AEBP1: variants seen among roughly 807,000 people sequenced by gnomAD.
AEBP1 encodes adipocyte enhancer-binding protein 1.
AEBP1 carries 69 observed loss-of-function variants against 116.5 expected under a neutral mutation model. The observed-to-expected ratio is 0.59, with a 90% CI of 0.49 to 0.72. The LOEUF (loss-of-function observed/expected upper bound fraction) is 0.72, where lower values mean the gene tolerates loss of function less well. Among genes scored for constraint, AEBP1 ranks in the 30% least tolerant of loss-of-function variants. The pLI is 0.00. For synonymous variants in AEBP1, 627 were observed against 627.3 expected (o/e 1.00, Z 0.01); for missense variants, 1,444 against 1,557.5 (o/e 0.93, Z 1.23).
In AEBP1 at chr7:44,112,908, G is replaced by T. The variant is rs759013562; in HGVS notation, c.2568G>T (p.Gly856=). 1.9e-6 allele frequency: 3 copies of T among 1,610,028 alleles called. No individual in the cohort carries two copies. Among genetic ancestry groups the T allele is most frequent in the Non-Finnish European group, 2.5e-6 (3 of 1,177,704 alleles). The change falls in exon 18 of 21, where the codon GGG becomes GGT. Residue 856 remains glycine (G), a splice_region_variant and synonymous_variant. Transcript: ENST00000223357. This position sits in a 1 kb window ranked among gnomAD's most constrained non-coding sequence, Gnocchi z 6.6. ...VNGAKWNPRT[G]TINDFSYLHT... ...GGGCCAAGTGGAACCCCCGGACCGG[G>T]AGTGAGTCAGCCTGGGAGGGGCTGT...
chr7:44,114,331 A>G lies in AEBP1; in HGVS notation c.*70A>G, dbSNP rs1401718230. On this transcript the variant is annotated 3_prime_UTR_variant, in exon 21 of 21. Coordinates refer to ENST00000223357, the MANE Select transcript of AEBP1 (RefSeq NM_001129.5). ...GCAGCACTTCCCAAGCCTGCTGACC[A>G]CAGTCACATCACCCATCAGCACATG... is the stretch of plus-strand genomic sequence containing the variant. The G allele has an allele frequency of 6.5e-7, 1 of 1,535,178 alleles. No individual in the cohort carries two copies. Among genetic ancestry groups the G allele is most frequent in the African/African-American group, 1.4e-5 (1 of 73,376 alleles).
At chr7:44,109,779 GC>G (rs2128808637) in intron 9 of AEBP1, 1 of 586,912 alleles carries the variant, frequency 1.7e-6, no homozygotes, top group Non-Finnish European at 3.1e-6. Context: ...TCCAGATGGG[GC>G]AGCTGAGGCC....
chr7:44,113,562 T>A lies in AEBP1; in HGVS notation c.2810-32T>A. On this transcript the variant is annotated intron_variant, in intron 20 of 20. Transcript: ENST00000223357. This position sits in a 1 kb window ranked among gnomAD's most constrained non-coding sequence, Gnocchi z 5.3. ...GAGGGTGGGGGCCTGGGAGGGGCGC[T>A]CTGGGGCAGCCGGATCGTTCTCCCT... 6.3e-7 allele frequency: 1 copy of A among 1,579,852 alleles called. No homozygotes were observed. The highest frequency in any genetic ancestry group is 1.2e-5 in the South Asian group (1 of 86,936).
At chr7:44,110,582 C>G (rs994400465) in intron 11 of AEBP1, 143 bp from the exon 12 acceptor site, 4 of 969,776 alleles carry the variant, frequency 4.1e-6, no homozygotes, top group Non-Finnish European at 6.2e-6. Context: ...ATGTGACGGG[C>G]ATAGGACCCA....
At chr7:44,110,609 C>T (rs1225326271) in intron 11 of AEBP1, 116 bp from the exon 12 acceptor site, 20 of 1,066,154 alleles carry the variant, frequency 1.9e-5, no homozygotes, top group African/African-American at 4.8e-5. Context: ...ACACCTGGGC[C>T]GTGCAGCACC....
rs761655656 is a variant in AEBP1 at position 44,109,996 on chromosome 7, C to T, written c.1151-19C>T. 3.7e-6 allele frequency: 6 copies of T among 1,605,296 alleles called. No individual in the cohort carries two copies. The highest frequency in any genetic ancestry group is 5.1e-6 in the Non-Finnish European group (6 of 1,173,928). On this transcript the variant is annotated intron_variant, in intron 9 of 20. Coordinates refer to ENST00000223357, the MANE Select transcript of AEBP1 (RefSeq NM_001129.5). ...AGGATGGAGCTAGTGAGCCACCATT[C>T]TGGGGTACGCGTCCTCAGAGTGTCC...
Position 44,113,335 on chromosome 7 carries a change from T to C in AEBP1, c.2793T>C (p.Asn931=). ...ANATISVSGI[N]HGVKTASGGD... ...CCACCATCTCTGTGAGTGGCATTAA[T>C]CACGGCGTGAAGACAGGTACCTAGT... The change falls in exon 20 of 21, where the codon AAT becomes AAC. Residue 931 remains asparagine, a synonymous_variant. Transcript: ENST00000223357. The surrounding 1 kb of genome is among the most constrained non-coding windows in gnomAD (Gnocchi z 5.3). 6.2e-7 allele frequency: 1 copy of C among 1,612,820 alleles called. No homozygotes were observed. The highest frequency in any genetic ancestry group is 8.5e-7 in the Non-Finnish European group (1 of 1,179,570).
intron 1 of AEBP1, among the ~76,000 whole-genome samples, chr7:44,105,528 T>A (rs964790201): frequency 6.6e-6 from 1 of 152,122 alleles, no homozygotes; most frequent in African/African-American, 2.4e-5. Context: ...CTCTGGAAGG[T>A]GGCAGAGGGT....
intron 2 of AEBP1, 96 bp downstream of exon 2, chr7:44,106,983 T>TAGC: frequency 1.1e-6 from 1 of 936,846 alleles, no homozygotes; most frequent in Non-Finnish European, 1.6e-6. Context: ...CTGCTTCCTA[T>TAGC]AGACCTTCAG....
In AEBP1 at chr7:44,110,234, G is replaced by A; in HGVS notation, c.1288G>A (p.Asp430Asn). 2 of 1,613,786 alleles carry A rather than the reference G, an allele frequency of 1.2e-6. No homozygotes were observed. Among genetic ancestry groups the A allele is most frequent in the Non-Finnish European group, 1.7e-6 (2 of 1,180,022 alleles). The change falls in exon 11 of 21, where the codon GAT (aspartate) becomes AAT (asparagine). Residue 430 changes from aspartate to asparagine, a missense_variant. By Grantham distance (23) the Asp-to-Asn change is conservative (BLOSUM62 1). Coordinates refer to ENST00000223357, the MANE Select transcript of AEBP1 (RefSeq NM_001129.5). ...QTGATEDDYY[D>N]GAWCAEDDAR... ...CGGTGCCACTGAGGACGACTACTATGATGGTGCGTGGTGTGCCGAGGACGA... is the reference window on the plus strand; with the variant it reads ...CGGTGCCACTGAGGACGACTACTATAATGGTGCGTGGTGTGCCGAGGACGA...
In AEBP1 at chr7:44,112,843, C is replaced by T; in HGVS notation, c.2503C>T (p.Gln835Ter). 6.2e-7 allele frequency: 1 copy of T among 1,612,658 alleles called. No individual in the cohort carries two copies. The highest frequency in any genetic ancestry group is 1.1e-5 in the South Asian group (1 of 91,082). The stretch of plus-strand genomic sequence containing the variant: ...GACCGAGCCCTACCGCGGAGGCTGC[C>T]AAGCCCAGGACTACACCGGCGGCAT... ...TLTEPYRGGC[Q>*]AQDYTGGMGI... is the part of the protein sequence containing the mutation. Residue 835 changes from glutamine (Q) to a stop codon, truncating the protein, a stop_gained, in exon 18 of 21, where the codon CAA becomes TAA. Coordinates refer to ENST00000223357, the MANE Select transcript of AEBP1 (RefSeq NM_001129.5). LOFTEE classifies it high-confidence loss of function. This position sits in a 1 kb window ranked among gnomAD's most constrained non-coding sequence, Gnocchi z 6.6.
At position 44,113,011 on chromosome 7, in the gene AEBP1, C is replaced by A. The variant is rs200012664; in HGVS notation, c.2590C>A (p.Leu864Met). 2.7e-5 allele frequency: 44 copies of A among 1,614,110 alleles called. No homozygotes were observed. The highest frequency in any genetic ancestry group is 6.7e-5 in the African/African-American group (5 of 75,036). ...GCCAGCTATCAATGACTTCAGTTAC[C>A]TGCATACCAACTGCCTGGAGCTCTC... Reference protein sequence around the residue: ...RTGTINDFSYLHTNCLELSFY... With the variant: ...RTGTINDFSYMHTNCLELSFY... The change falls in exon 19 of 21, where the codon CTG (leucine) becomes ATG (methionine). Residue 864 changes from leucine (L) to methionine (M), a missense_variant. By Grantham distance (15) the Leu-to-Met change is conservative. Transcript: ENST00000223357. This position sits in a 1 kb window ranked among gnomAD's most constrained non-coding sequence, Gnocchi z 5.3.
chr7:44,114,279 G>C lies in AEBP1; in HGVS notation c.*18G>C. 1 of 1,611,756 alleles carries C rather than the reference G, an allele frequency of 6.2e-7. No homozygotes were observed. The highest frequency in any genetic ancestry group is 8.5e-7 in the Non-Finnish European group (1 of 1,178,154). ...ACTTCTGAGATCAGCGTCCTACCAA[G>C]ACCCCAGCCCAACTCAAGCTACAGC... On this transcript the variant is annotated 3_prime_UTR_variant, in exon 21 of 21. Transcript: ENST00000223357.
Position 44,106,530 on chromosome 7 carries a change from T to C in AEBP1, c.254-16T>C. Reference sequence around the variant, plus strand: ...GCTGGCTCTGTTCATTTGACACGAGTCTGCATCTTGGACAGTGCCTCCGGA... The same window carrying C: ...GCTGGCTCTGTTCATTTGACACGAGCCTGCATCTTGGACAGTGCCTCCGGA... On this transcript the variant is annotated splice_polypyrimidine_tract_variant and intron_variant, in intron 1 of 20. Transcript: ENST00000223357. 6.4e-7 allele frequency: 1 copy of C among 1,573,230 alleles called. No individual in the cohort carries two copies. The highest frequency in any genetic ancestry group is 8.6e-7 in the Non-Finnish European group (1 of 1,163,406).
At chr7:44,109,442 AC>A in intron 9 of AEBP1, 101 bp downstream of exon 9, 2 of 1,293,326 alleles carry the variant, frequency 1.5e-6, no homozygotes, top group Middle Eastern at 5.5e-4. Flanking sequence ...GGTCCCCGGA[AC>A]CCTTTCCTAC....
Position 44,112,781 on chromosome 7 carries a change from G to T in AEBP1, c.2441G>T (p.Trp814Leu). Residue 814 changes from tryptophan (W) to leucine (L), a missense_variant, in exon 18 of 21, where the codon TGG becomes TTG. Trp to Leu is a moderately conservative substitution (Grantham distance 61). Coordinates refer to ENST00000223357, the MANE Select transcript of AEBP1 (RefSeq NM_001129.5). This position sits in a 1 kb window ranked among gnomAD's most constrained non-coding sequence, Gnocchi z 6.6. Reference protein sequence around the residue: ...QETPDHAIFRWLAISFASAHL... With the variant: ...QETPDHAIFRLLAISFASAHL... ...ACTCCAGACCACGCCATCTTCCGGT[G>T]GCTTGCCATCTCCTTCGCCTCCGCA... The T allele has an allele frequency of 1.2e-6, 2 of 1,612,876 alleles. No homozygotes were observed. Among genetic ancestry groups the T allele is most frequent in the Non-Finnish European group, 1.7e-6 (2 of 1,179,986 alleles).
chr7:44,109,424 A>G, intron 9 of AEBP1, 83 bp downstream of exon 9: 2 of 1,391,110 alleles, frequency 1.4e-6, no homozygotes, highest in Admixed American at 5.3e-5. Flanking sequence ...TGTCACAAAC[A>G]GGACCCAGGT....
At chr7:44,109,773 G>A (rs1481018071) in intron 9 of AEBP1, 1 of 586,486 alleles carries the variant, frequency 1.7e-6, no homozygotes, top group Non-Finnish European at 3.1e-6. Context: ...CCGTTCTCCA[G>A]ATGGGGCAGC....
intron 1 of AEBP1, among the ~76,000 whole-genome samples, chr7:44,105,321 C>T (rs149570691): frequency 2.0e-5 from 3 of 152,212 alleles, no homozygotes; most frequent in Admixed American, 6.5e-5. Context: ...CTGCCTTTGC[C>T]CTCCTACTCC....
Sources: gnomAD v4.1 joint callset for allele counts (sites outside exome capture counted in the v4.1 genomes callset) on GRCh38, gnomAD v4.1.1 for gene constraint, Gnocchi (gnomAD v3.1) non-coding constraint, MANE v1.5 for transcripts, NCBI Gene and HGNC (gene_info 2026-07-23, HGNC 2026-07-21) for gene names.